PIBF1: variants seen among roughly 807,000 people sequenced by gnomAD.
The protein encoded by PIBF1 is progesterone immunomodulatory binding factor 1, also known as progesterone-induced-blocking factor 1.
A neutral mutation model predicts 112.5 loss-of-function variants in PIBF1; 90 were observed. That is an observed-to-expected ratio of 0.80 (90% CI 0.67 to 0.95). The LOEUF (loss-of-function observed/expected upper bound fraction) is 0.95, where lower values mean the gene tolerates loss of function less well. Ranked by LOEUF, PIBF1 falls within the 40% of genes least tolerant of loss-of-function variation. The pLI, the probability that PIBF1 is intolerant of heterozygous loss-of-function variation, is 0.00. For missense variants in PIBF1, 915 were observed against 852.3 expected (o/e 1.07, Z -0.92); for synonymous variants, 301 against 288.6 (o/e 1.04, Z -0.44).
intron 13 of PIBF1, among the ~76,000 whole-genome samples, chr13:72,919,828 G>A (rs561855944): frequency 1.3e-5 from 2 of 152,222 alleles, no homozygotes; most frequent in Admixed American, 6.5e-5. Context: ...ACTTAGCTGG[G>A]CATGGGGACA....
chr13:72,862,337 G>A (rs768993512), intron 10 of PIBF1, among the ~76,000 whole-genome samples: 9 of 152,174 alleles, frequency 5.9e-5, no homozygotes, highest in Non-Finnish European at 1.2e-4. Flanking sequence ...TGCATGCAGT[G>A]GCATGCCTAT....
chr13:72,965,184 T>C, intron 14 of PIBF1, 90 bp from the exon 15 acceptor site: 1 of 1,163,068 alleles, frequency 8.6e-7, no homozygotes, highest in Non-Finnish European at 1.2e-6. Flanking sequence ...GTCAAAGGAA[T>C]TTCTGTACTA....
intron 10 of PIBF1, among the ~76,000 whole-genome samples, chr13:72,882,034 A>C (rs2039660299): frequency 6.6e-6 from 1 of 152,186 alleles, no homozygotes; most frequent in Admixed American, 6.5e-5. Flanking sequence ...CCTGACTTCA[A>C]AATATACTAC....
At chr13:72,810,631 T>C (rs992539312) in intron 5 of PIBF1, among the ~76,000 whole-genome samples, 1 of 152,216 alleles carries the variant, frequency 6.6e-6, no homozygotes, top group African/African-American at 2.4e-5. Context: ...TTTCTGAGAT[T>C]TCTTTTTATC....
chr13:72,794,563 A>G (rs1401814217), intron 3 of PIBF1, among the ~76,000 whole-genome samples: 1 of 152,158 alleles, frequency 6.6e-6, no homozygotes, highest in Non-Finnish European at 1.5e-5. Flanking sequence ...AGGTAACTGA[A>G]TCATGGAGGT....
At chr13:72,799,899 T>A (rs2035387724) in intron 5 of PIBF1, among the ~76,000 whole-genome samples, 1 of 152,210 alleles carries the variant, frequency 6.6e-6, no homozygotes, top group Non-Finnish European at 1.5e-5. Flanking sequence ...ATGATTTCTC[T>A]TGAACACAGA....
rs576956972 is a variant in PIBF1, at chr13:72,802,363, C to G, written c.672+4337C>G. ...AAGAAAGTTCTCTCCTGAGAACAGA[C>G]TGTAGAGCTATAAGGATGGAAACAA... On this transcript the variant is annotated intron_variant, in intron 5 of 17. Transcript: ENST00000326291. Among the ~76,000 whole-genome samples, 20 of 152,192 alleles carry G rather than the reference C, an allele frequency of 1.3e-4. No homozygotes were observed. The South Asian group carries it at 4.1e-3, about 32-fold the overall frequency.
intron 2 of PIBF1, among the ~76,000 whole-genome samples, chr13:72,784,603 A>C (rs2034494050): frequency 6.6e-6 from 1 of 151,954 alleles, no homozygotes; most frequent in South Asian, 2.1e-4. Flanking sequence ...CTACTAAAAA[A>C]ATAAAATAGC....
chr13:72,933,251 T>C (rs557596713), intron 14 of PIBF1, among the ~76,000 whole-genome samples: 1 of 152,374 alleles, frequency 6.6e-6, no homozygotes, highest in South Asian at 2.1e-4. Flanking sequence ...AATTTCTAAA[T>C]GTGGGCTGGA....
chr13:72,837,524 A>G (rs1248615659), intron 9 of PIBF1, among the ~76,000 whole-genome samples: 2 of 152,090 alleles, frequency 1.3e-5, no homozygotes, highest in Non-Finnish European at 2.9e-5. Context: ...GTATAAAATA[A>G]CAGATGTTAA....
At chr13:72,810,301 T>A (rs1400854603) in intron 5 of PIBF1, among the ~76,000 whole-genome samples, 2 of 152,210 alleles carry the variant, frequency 1.3e-5, no homozygotes, top group Admixed American at 6.5e-5. Context: ...ATCAAAAGGA[T>A]GTGATGTTAG....
chr13:72,793,444 A>C (rs1159770585), intron 3 of PIBF1, among the ~76,000 whole-genome samples: 2 of 152,144 alleles, frequency 1.3e-5, no homozygotes. Flanking sequence ...AGCCTACTGG[A>C]TCCCACCCTC....
chr13:72,840,658 G>A (rs1455412470), intron 9 of PIBF1, among the ~76,000 whole-genome samples: 1 of 151,822 alleles, frequency 6.6e-6, no homozygotes, highest in African/African-American at 2.4e-5. Flanking sequence ...TGAGTAGCTG[G>A]GATTACAGGT....
chr13:72,931,724 A>ATATATATATATATG (rs2041705998), intron 14 of PIBF1, among the ~76,000 whole-genome samples: 1 of 126,832 alleles, frequency 7.9e-6, no homozygotes, highest in Non-Finnish European at 1.8e-5. Flanking sequence ...CTACGTATAT[A>ATATATATATATATG]TATATATATA....
At chr13:72,866,494 C>T (rs1213516035) in intron 10 of PIBF1, among the ~76,000 whole-genome samples, 3 of 152,128 alleles carry the variant, frequency 2.0e-5, no homozygotes, top group Non-Finnish European at 4.4e-5. Context: ...AACCTACTAG[C>T]TGTTGAACAA....
rs78541354 is a variant in PIBF1 at position 72,813,297 on chromosome 13, C to G, written c.673-8552C>G. On this transcript the variant is annotated intron_variant, in intron 5 of 17. Coordinates refer to ENST00000326291, the MANE Select transcript of PIBF1 (RefSeq NM_006346.4). Reference sequence around the variant, plus strand: ...AAAATGTGAATGCATGTCATTTTTCCTTTCTTTTCCAGTTCAAAGTATCCC... The same window carrying G: ...AAAATGTGAATGCATGTCATTTTTCGTTTCTTTTCCAGTTCAAAGTATCCC... Among the ~76,000 whole-genome samples the G allele has an allele frequency of 8.7e-3, 1,317 of 152,212 alleles. 64 individuals carry two copies. The highest frequency in any genetic ancestry group is 9.7e-3 in the East Asian group (50 of 5,180).
At chr13:72,869,306 G>A (rs1199871407) in intron 10 of PIBF1, among the ~76,000 whole-genome samples, 1 of 152,124 alleles carries the variant, frequency 6.6e-6, no homozygotes, top group African/African-American at 2.4e-5. Flanking sequence ...ATGAGTTCAT[G>A]TCCTTTGTAG....
At chr13:72,932,088 C>T (rs186021797) in intron 14 of PIBF1, among the ~76,000 whole-genome samples, 133 of 151,648 alleles carry the variant, frequency 8.8e-4, no homozygotes, top group Non-Finnish European at 1.5e-3. Flanking sequence ...ACTGTAGCTA[C>T]GCACTACTGT....
At chr13:72,965,776 AAAC>A (rs199515897) in intron 15 of PIBF1, among the ~76,000 whole-genome samples, 1,874 of 152,312 alleles carry the variant, frequency 0.012, 19 homozygotes, top group Non-Finnish European at 0.02. Context: ...ATGGCTTTTT[AAAC>A]AACAACAACA....
Sources: gnomAD v4.1 joint callset for allele counts (sites outside exome capture counted in the v4.1 genomes callset) on GRCh38, gnomAD v4.1.1 for gene constraint, MANE v1.5 for transcripts, NCBI Gene and HGNC (gene_info 2026-07-23, HGNC 2026-07-21) for gene names.